Variants in HACD2 observed in about 807,000 individuals in gnomAD.
HACD2 encodes the protein 3-hydroxyacyl-CoA dehydratase 2.
HACD2 carries 15 observed loss-of-function variants against 31.0 expected under a neutral mutation model. That is an observed-to-expected ratio of 0.48 (90% CI 0.32 to 0.75). The LOEUF (loss-of-function observed/expected upper bound fraction) is 0.75, where lower values mean the gene tolerates loss of function less well. Among genes scored for constraint, HACD2 ranks in the 30% least tolerant of loss-of-function variants. The pLI, the probability that HACD2 is intolerant of heterozygous loss-of-function variation, is 0.03. For missense variants in HACD2, 283 were observed against 313.0 expected, an observed-to-expected ratio of 0.90 and a Z score of 0.72; for synonymous variants, 115 against 122.2, an observed-to-expected ratio of 0.94 and a Z score of 0.39.
Position 123,492,595 on chromosome 3 carries a change from G to T in HACD2, c.*2293C>A, listed in dbSNP as rs565680958. ...GGGGTTGAGACCCTTTTTGAAAAGG[G>T]AGCTGTGTGCTGTGTTCTCATTGCC... On this transcript the variant is annotated 3_prime_UTR_variant, in exon 7 of 7. Coordinates refer to ENST00000383657, the MANE Select transcript of HACD2 (RefSeq NM_198402.5). 1 of 152,196 alleles carries T rather than the reference G, an allele frequency of 6.6e-6. No individual in the cohort carries two copies. Among genetic ancestry groups the T allele is most frequent in the Non-Finnish European group, 1.5e-5 (1 of 67,996 alleles). The allele number at this position is 152,196 out of a possible 1,614,324, so 9.4% of individuals were successfully genotyped here.
intron 3 of HACD2, among the ~76,000 whole-genome samples, chr3:123,534,661 G>A (rs2056403650): frequency 6.6e-6 from 1 of 152,020 alleles, no homozygotes; most frequent in Admixed American, 6.6e-5. Context: ...TCCTTCAGGA[G>A]GTATTCCAGA....
intron 3 of HACD2, among the ~76,000 whole-genome samples, chr3:123,558,047 A>G (rs188611652): frequency 1.3e-5 from 2 of 152,356 alleles, no homozygotes; most frequent in East Asian, 3.9e-4. Context: ...TTACTAGGAG[A>G]ATGGGTAAAT....
intron 2 of HACD2, among the ~76,000 whole-genome samples, chr3:123,574,067 T>C (rs1384352371): frequency 6.6e-6 from 1 of 152,228 alleles, no homozygotes; most frequent in South Asian, 2.1e-4. Context: ...CAAGTCTTCA[T>C]ACCCAAACTG....
At position 123,582,363 on chromosome 3, in the gene HACD2, T is replaced by A. The variant is rs1488701777; in HGVS notation, c.156-34A>T. The stretch of plus-strand genomic sequence containing the variant: ...AGAGAAAACAGCAATCAGGAAAAAA[T>A]AAAAATAAAAAAAGTAGCATTTAGG... On this transcript the variant is annotated intron_variant, in intron 1 of 6. Coordinates refer to ENST00000383657, the MANE Select transcript of HACD2 (RefSeq NM_198402.5). 4.2e-6 allele frequency: 6 copies of A among 1,430,572 alleles called. No individual in the cohort carries two copies. In the African/African-American group the frequency reaches 4.4e-5, roughly 10 times the overall value. The allele number at this position is 1,430,572 out of a possible 1,614,324, so 88.6% of individuals were successfully genotyped here. A position where few individuals can be genotyped will look rare whatever the true frequency, so the allele number is the denominator to read the frequency against.
chr3:123,522,662 CT>C (rs4048459), intron 4 of HACD2, among the ~76,000 whole-genome samples: 134 of 146,194 alleles, frequency 9.2e-4, no homozygotes, highest in South Asian at 4.4e-3. Flanking sequence ...AATAAGGAGA[CT>C]TTTTTTTTTT....
chr3:123,572,118 C>T (rs2056861488), intron 2 of HACD2, among the ~76,000 whole-genome samples: 1 of 152,148 alleles, frequency 6.6e-6, no homozygotes, highest in South Asian at 2.1e-4. Context: ...GGTGGCACTG[C>T]TTTGTTGAGG....
chr3:123,512,372 A>G (rs958256414), intron 4 of HACD2, among the ~76,000 whole-genome samples: 2 of 152,230 alleles, frequency 1.3e-5, no homozygotes, highest in Admixed American at 1.3e-4. Flanking sequence ...TTTTCCAGAG[A>G]CCAGCCCAAT....
At chr3:123,572,255 T>TAACACTTTGGGAGGCCA (rs1296794200) in intron 2 of HACD2, among the ~76,000 whole-genome samples, 1 of 152,160 alleles carries the variant, frequency 6.6e-6, no homozygotes. Flanking sequence ...CCTGTAATCT[T>TAACACTTTGGGAGGCCA]AACACTTTGG....
chr3:123,557,320 C>T (rs971296364), intron 3 of HACD2, among the ~76,000 whole-genome samples: 2 of 152,284 alleles, frequency 1.3e-5, no homozygotes. Flanking sequence ...CTCCCCTTAT[C>T]CCCAGTCCAT....
intron 3 of HACD2, among the ~76,000 whole-genome samples, chr3:123,530,514 T>C (rs2056345421): frequency 6.7e-6 from 1 of 150,078 alleles, no homozygotes; most frequent in South Asian, 2.1e-4. Context: ...GTTCAAGGGG[T>C]TCTCCTGCCT....
At chr3:123,510,927 G>T in intron 4 of HACD2, among the ~76,000 whole-genome samples, 1 of 122,306 alleles carries the variant, frequency 8.2e-6, no homozygotes. Context: ...CTGCTCATTT[G>T]CTGTGTTTTT....
intron 3 of HACD2, among the ~76,000 whole-genome samples, chr3:123,531,659 G>A (rs1017376169): frequency 5.3e-5 from 8 of 151,876 alleles, no homozygotes; most frequent in East Asian, 1.9e-4. Context: ...CACACACAAC[G>A]ATTTATTTAG....
chr3:123,580,417 A>G (rs1290114844), intron 2 of HACD2, among the ~76,000 whole-genome samples: 1 of 152,130 alleles, frequency 6.6e-6, no homozygotes, highest in African/African-American at 2.4e-5. Flanking sequence ...TCAAGGCTGC[A>G]GTGAGCAGTG....
chr3:123,547,416 C>T (rs979693672), intron 3 of HACD2, among the ~76,000 whole-genome samples: 2 of 152,120 alleles, frequency 1.3e-5, no homozygotes, highest in East Asian at 1.9e-4. Flanking sequence ...ATTCCAGGGA[C>T]GTTTCATAAA....
chr3:123,524,825 GA>G (rs1232995198), intron 4 of HACD2, among the ~76,000 whole-genome samples: 1 of 152,056 alleles, frequency 6.6e-6, no homozygotes, highest in Admixed American at 6.5e-5. Context: ...TGGCAGCTCT[GA>G]TGCAGCAGAA....
rs759372194 is a variant in HACD2, at chr3:123,528,363, T to G, written c.381+23A>C. The G allele has an allele frequency of 4.3e-6, 6 of 1,391,106 alleles. No individual in the cohort carries two copies. In the Admixed American group the frequency reaches 1.0e-4, roughly 23 times the overall value. The allele number at this position is 1,391,106 out of a possible 1,614,324, so 86.2% of individuals were successfully genotyped here. ...CTAGTGTTTGTTAGTGTTGACATTATTTTGGTCTATATAAACACTTACCTC... is the reference window on the plus strand; with the variant it reads ...CTAGTGTTTGTTAGTGTTGACATTAGTTTGGTCTATATAAACACTTACCTC... On this transcript the variant is annotated intron_variant, in intron 4 of 6. Transcript: ENST00000383657.
At chr3:123,520,614 T>C (rs1046412711) in intron 4 of HACD2, among the ~76,000 whole-genome samples, 19 of 152,220 alleles carry the variant, frequency 1.2e-4, no homozygotes, top group Admixed American at 4.6e-4. Context: ...AGCAAACATG[T>C]TGGTAACCAA....
intron 3 of HACD2, among the ~76,000 whole-genome samples, chr3:123,541,410 G>T (rs190237242): frequency 2.0e-5 from 3 of 152,286 alleles, no homozygotes. Context: ...AGCAAACCAA[G>T]AAATATACTC....
chr3:123,563,461 G>C (rs540593479), intron 3 of HACD2, among the ~76,000 whole-genome samples: 1 of 152,104 alleles, frequency 6.6e-6, no homozygotes, highest in Admixed American at 6.5e-5. Flanking sequence ...CCAGCAAAAG[G>C]TTTTAAGTAG....
Sources: gnomAD v4.1 joint callset for allele counts (sites outside exome capture counted in the v4.1 genomes callset) on GRCh38, gnomAD v4.1.1 for gene constraint, MANE v1.5 for transcripts, NCBI Gene and HGNC (gene_info 2026-07-23, HGNC 2026-07-21) for gene names.